Variants in FOCAD observed in about 807,000 individuals in gnomAD.
The protein encoded by FOCAD is focadhesin, also known as KIAA1797.
A neutral mutation model predicts 225.6 loss-of-function variants in FOCAD; 198 were observed. The observed-to-expected ratio is 0.88, with a 90% CI of 0.78 to 0.99. The LOEUF (loss-of-function observed/expected upper bound fraction) is 0.99. FOCAD is among the 50% of genes least tolerant of loss of function. The pLI is 0.00. For synonymous variants in FOCAD, 897 were observed against 755.0 expected, an observed-to-expected ratio of 1.19 and a Z score of -3.08; for missense variants, 2,713 against 2,123.6, an observed-to-expected ratio of 1.28 and a Z score of -5.46.
At chr9:20,755,528 C>A (rs902223312) in intron 5 of FOCAD, among the ~76,000 whole-genome samples, 2 of 151,996 alleles carry the variant, frequency 1.3e-5, no homozygotes, top group African/African-American at 4.8e-5. Flanking sequence ...AGATTCTTAG[C>A]GGTTTTTTTT....
chr9:20,716,063 G>A (rs1313904612), intron 2 of FOCAD: 3 of 438,822 alleles, frequency 6.8e-6, no homozygotes, highest in Non-Finnish European at 1.5e-5. Flanking sequence ...CAGCACCTTG[G>A]ATACTTTCAA....
At chr9:20,687,000 T>C (rs1215667220) in intron 1 of FOCAD, among the ~76,000 whole-genome samples, 2 of 152,066 alleles carry the variant, frequency 1.3e-5, no homozygotes. Flanking sequence ...CTCATAGTTT[T>C]TTTTTTTTTT....
rs1214748604 is a variant in FOCAD, at chr9:20,820,945, G to A, written c.1667G>A (p.Arg556Gln). The A allele has an allele frequency of 4.3e-6, 7 of 1,610,418 alleles. No homozygotes were observed. The highest frequency in any genetic ancestry group is 1.3e-5 in the African/African-American group (1 of 74,764). The change falls in exon 14 of 44, where the codon CGA (arginine) becomes CAA (glutamine). Residue 556 changes from arginine to glutamine, a missense_variant. Arg to Gln is a conservative substitution (Grantham distance 43). Transcript: ENST00000338382. Reference protein sequence around the residue: ...LLTSLWEKQDRVYPELQRFMA... With the variant: ...LLTSLWEKQDQVYPELQRFMA... Reference sequence around the variant, plus strand: ...TTTGTAAAATTGCCTTCGTAGGACCGAGTCTATCCTGAACTGCAGCGTTTC... The same window carrying A: ...TTTGTAAAATTGCCTTCGTAGGACCAAGTCTATCCTGAACTGCAGCGTTTC...
intron 4 of FOCAD, among the ~76,000 whole-genome samples, 178 bp downstream of exon 4, chr9:20,720,712 TC>T (rs1216580061): frequency 2.6e-5 from 4 of 152,232 alleles, no homozygotes; most frequent in African/African-American, 7.2e-5. Context: ...CCCTATAGTT[TC>T]AGAATTTGTG....
chr9:20,833,584 T>C (rs931999279), intron 15 of FOCAD, among the ~76,000 whole-genome samples: 2 of 152,096 alleles, frequency 1.3e-5, no homozygotes, highest in Non-Finnish European at 2.9e-5. Context: ...GTGTGCTTTC[T>C]AATTTGGTGC....
intron 2 of FOCAD, among the ~76,000 whole-genome samples, chr9:20,678,677 A>G (rs1375601382): frequency 6.6e-6 from 1 of 152,152 alleles, no homozygotes; most frequent in African/African-American, 2.4e-5. Context: ...GAAGATAGTA[A>G]TTCCCTGAAC....
At chr9:20,856,946 T>C (rs1828245220) in intron 15 of FOCAD, among the ~76,000 whole-genome samples, 2 of 151,958 alleles carry the variant, frequency 1.3e-5, no homozygotes, top group Non-Finnish European at 2.9e-5. Context: ...TATTGGTCTA[T>C]GTGTCTGTTT....
intron 1 of FOCAD, among the ~76,000 whole-genome samples, chr9:20,697,951 C>G (rs1023288469): frequency 4.6e-5 from 7 of 152,208 alleles, no homozygotes; most frequent in Non-Finnish European, 1.0e-4. Context: ...ATTATAGCTT[C>G]TAATAACTCA....
At position 20,926,347 on chromosome 9, in the gene FOCAD, T is replaced by C. The variant is rs1442224356; in HGVS notation, c.3008T>C (p.Leu1003Pro). Residue 1003 changes from leucine to proline, a missense_variant, in exon 26 of 44, where the codon CTT becomes CCT. Transcript: ENST00000338382. Reference protein sequence around the residue: ...LSMKEWVSMVLDTLLVIVDSH... With the variant: ...LSMKEWVSMVPDTLLVIVDSH... ...ATGAAAGAGTGGGTTTCCATGGTACTTGATACACTCTTGGTCATTGTGGAT... is the reference window on the plus strand; with the variant it reads ...ATGAAAGAGTGGGTTTCCATGGTACCTGATACACTCTTGGTCATTGTGGAT... 6.2e-7 allele frequency: 1 copy of C among 1,613,762 alleles called. No individual in the cohort carries two copies. The highest frequency in any genetic ancestry group is 8.5e-7 in the Non-Finnish European group (1 of 1,179,782).
intron 15 of FOCAD, among the ~76,000 whole-genome samples, chr9:20,846,124 T>A (rs996540710): frequency 2.0e-5 from 3 of 152,124 alleles, no homozygotes; most frequent in Non-Finnish European, 1.5e-5. Flanking sequence ...TATGTCTGTT[T>A]CAGTCATTAT....
intron 26 of FOCAD, 59 bp downstream of exon 26, chr9:20,926,476 G>A (rs1834957929): frequency 1.8e-6 from 2 of 1,104,276 alleles, no homozygotes; most frequent in East Asian, 2.4e-5. Context: ...TATGACATCA[G>A]TTGGTCACAT....
intron 6 of FOCAD, among the ~76,000 whole-genome samples, chr9:20,763,719 T>A (rs1293232472): frequency 6.6e-6 from 1 of 152,092 alleles, no homozygotes; most frequent in African/African-American, 2.4e-5. Context: ...TGTGGTTTAG[T>A]GGTGAATGAA....
chr9:20,943,206 T>C (rs1249529459), intron 28 of FOCAD, among the ~76,000 whole-genome samples: 1 of 152,246 alleles, frequency 6.6e-6, no homozygotes, highest in Admixed American at 6.5e-5. Context: ...GATGTTGATT[T>C]AACTGGTTGA....
intron 15 of FOCAD, among the ~76,000 whole-genome samples, chr9:20,839,810 A>C (rs1445139168): frequency 6.6e-6 from 1 of 152,046 alleles, no homozygotes; most frequent in African/African-American, 2.4e-5. Flanking sequence ...TGAACATTCC[A>C]TACCTGGCCC....
intron 7 of FOCAD, among the ~76,000 whole-genome samples, chr9:20,768,418 A>G (rs1182519416): frequency 1.3e-5 from 2 of 152,124 alleles, no homozygotes; most frequent in Admixed American, 1.3e-4. Flanking sequence ...TACCTTGGGC[A>G]GTATGGCCAT....
intron 1 of FOCAD, among the ~76,000 whole-genome samples, chr9:20,701,046 T>C (rs60838440): frequency 0.42 from 63,527 of 152,012 alleles, 14,650 homozygotes; most frequent in Non-Finnish European, 0.52. Context: ...CCCTTCAGAA[T>C]GAGACAAGAA....
chr9:20,859,084 A>T (rs1390724969), intron 15 of FOCAD, among the ~76,000 whole-genome samples: 1 of 152,122 alleles, frequency 6.6e-6, no homozygotes, highest in East Asian at 1.9e-4. Flanking sequence ...TCTTAATTTT[A>T]AAAATGTTGG....
intron 7 of FOCAD, among the ~76,000 whole-genome samples, chr9:20,765,388 G>A (rs1421630547): frequency 6.6e-6 from 1 of 151,844 alleles, no homozygotes; most frequent in Non-Finnish European, 1.5e-5. Context: ...AGTTTCTTCT[G>A]TGTAGACATT....
chr9:20,951,258 T>G (rs993300564), intron 34 of FOCAD, among the ~76,000 whole-genome samples, 160 bp downstream of exon 34: 3 of 152,346 alleles, frequency 2.0e-5, no homozygotes, highest in Non-Finnish European at 4.4e-5. Flanking sequence ...AAAGGCTTCC[T>G]GACTTACCCA....
Sources: allele counts gnomAD v4.1 joint callset (sites outside exome capture counted in the v4.1 genomes callset), GRCh38; gene constraint gnomAD v4.1.1; transcripts MANE v1.5; gene names NCBI Gene and HGNC (gene_info 2026-07-23, HGNC 2026-07-21).